Variants in KLHL29 observed in about 807,000 individuals in gnomAD.
KLHL29 encodes the protein kelch like family member 29, also known as kelch-like protein 29.
KLHL29 carries 21 observed loss-of-function variants against 80.4 expected under a neutral mutation model. That is an observed-to-expected ratio of 0.26 (90% CI 0.19 to 0.38). The LOEUF is 0.38. KLHL29 is among the 10% of genes least tolerant of loss of function. The pLI, the probability that KLHL29 is intolerant of heterozygous loss-of-function variation, is 1.00. For missense variants in KLHL29, 867 were observed against 1,223.9 expected (o/e 0.71, Z 4.35); for synonymous variants, 511 against 526.8 (o/e 0.97, Z 0.41).
chr2:23,506,276 G>T (rs1003518748), intron 2 of KLHL29, among the ~76,000 whole-genome samples: 40 of 152,164 alleles, frequency 2.6e-4, no homozygotes, highest in African/African-American at 9.4e-4. Context: ...GCTTATCTTC[G>T]CGAAGTTGAA....
At position 23,457,217 on chromosome 2, in the gene KLHL29, C is replaced by T. The variant is rs1664080046; in HGVS notation, c.-153-18343C>T. Among the ~76,000 whole-genome samples the T allele has an allele frequency of 6.6e-6, 1 of 152,184 alleles. No homozygotes were observed. Among genetic ancestry groups the T allele is most frequent in the South Asian group, 2.1e-4 (1 of 4,832 alleles). Reference sequence around the variant, plus strand: ...GGGTGCAGAGTAACCCTCACATGCACAGTGACTGGTGTAGGATGATGTTTG... The same window carrying T: ...GGGTGCAGAGTAACCCTCACATGCATAGTGACTGGTGTAGGATGATGTTTG... On this transcript the variant is annotated intron_variant, in intron 1 of 13. Coordinates refer to ENST00000486442, the MANE Select transcript of KLHL29 (RefSeq NM_052920.2). The surrounding 1 kb of genome is among the most constrained non-coding windows in gnomAD (Gnocchi z 4.3).
intron 1 of KLHL29, among the ~76,000 whole-genome samples, chr2:23,462,573 G>A (rs1048122718): frequency 6.6e-6 from 1 of 152,154 alleles, no homozygotes; most frequent in African/African-American, 2.4e-5. Flanking sequence ...AAATATAGGG[G>A]TTGTTGGACT....
At chr2:23,397,250 G>T (rs1427151406) in intron 1 of KLHL29, among the ~76,000 whole-genome samples, 4 of 152,214 alleles carry the variant, frequency 2.6e-5, no homozygotes, top group African/African-American at 9.6e-5. Flanking sequence ...CTAGATGAGG[G>T]CTGTAGTGAT....
At position 23,642,745 on chromosome 2, in the gene KLHL29, C is replaced by A. The variant is rs757870784; in HGVS notation, c.835C>A (p.Pro279Thr). The A allele has an allele frequency of 6.5e-7, 1 of 1,550,218 alleles. No homozygotes were observed. The highest frequency in any genetic ancestry group is 1.4e-5 in the African/African-American group (1 of 73,168). ...QPSATLPSGAPATNGPPTTDS... is the reference protein window; with the variant it reads ...QPSATLPSGATATNGPPTTDS... ...GTCCGCCACTCTCCCCAGTGGTGCC[C>A]CTGCCACCAATGGGCCCCCCACAAC... is the stretch of plus-strand genomic sequence containing the variant. Residue 279 changes from proline (P) to threonine (T), a missense_variant, in exon 5 of 14, where the codon CCT (proline) becomes ACT (threonine). Physicochemically the swap from Pro to Thr is conservative, Grantham distance 38. Transcript: ENST00000486442.
rs542340326 is a variant in KLHL29 at position 23,642,707 on chromosome 2, C to T, written c.797C>T (p.Pro266Leu). Residue 266 changes from proline to leucine, a missense_variant, in exon 5 of 14, where the codon CCG (proline) becomes CTG (leucine). Around this residue, in one of 2 missense-constraint regions of KLHL29, gnomAD observed 424 missense variants for 456.9 expected, o/e 0.93. Transcript: ENST00000486442. ...HMAGPLLPPP[P>L]PAQPSATLPS... ...GCAGGGCCCCTGCTGCCTCCACCGC[C>T]GCCAGCCCAGCCGTCCGCCACTCTC... The T allele has an allele frequency of 3.2e-5, 50 of 1,548,496 alleles. No homozygotes were observed. The highest frequency in any genetic ancestry group is 3.6e-5 in the Non-Finnish European group (41 of 1,145,846).
At chr2:23,412,581 G>A (rs1666890994) in intron 1 of KLHL29, among the ~76,000 whole-genome samples, 1 of 152,194 alleles carries the variant, frequency 6.6e-6, no homozygotes, top group African/African-American at 2.4e-5. Context: ...TTGAGGGAAG[G>A]AGAGAGCCTG....
In KLHL29 at chr2:23,576,026, C is replaced by G. The variant is rs941187666; in HGVS notation, c.285+13545C>G. On this transcript the variant is annotated intron_variant, in intron 3 of 13. Coordinates refer to ENST00000486442, the MANE Select transcript of KLHL29 (RefSeq NM_052920.2). Reference sequence around the variant, plus strand: ...CCATTAGAAATATGCTGAGGGGGGCCGCGCCCAGTGGCTCACGCCTGGAGT... The same window carrying G: ...CCATTAGAAATATGCTGAGGGGGGCGGCGCCCAGTGGCTCACGCCTGGAGT... 5.9e-5 allele frequency among the ~76,000 whole-genome samples: 9 copies of G among 152,320 alleles called. No individual in the cohort carries two copies. The East Asian group carries it at 1.5e-3, about 26-fold the overall frequency.
At chr2:23,618,290 A>G (rs1669073795) in intron 3 of KLHL29, among the ~76,000 whole-genome samples, 1 of 152,140 alleles carries the variant, frequency 6.6e-6, no homozygotes, top group African/African-American at 2.4e-5. Context: ...TTACATGTCA[A>G]CTTGACCAGG....
chr2:23,656,097 ATCTGTCCC>A (rs1171089328), intron 5 of KLHL29, among the ~76,000 whole-genome samples: 5 of 152,196 alleles, frequency 3.3e-5, no homozygotes, highest in Non-Finnish European at 7.3e-5. Context: ...GAAAGGGACC[ATCTGTCCC>A]TCTTCTGGAC....
chr2:23,650,445 A>G (rs1393120777), intron 5 of KLHL29, among the ~76,000 whole-genome samples: 1 of 152,202 alleles, frequency 6.6e-6, no homozygotes, highest in Admixed American at 6.5e-5. Context: ...GGCCCAAGCC[A>G]TCCCTCTCTC....
chr2:23,692,008 G>A (rs1671642824), intron 7 of KLHL29, 132 bp downstream of exon 7: 3 of 832,380 alleles, frequency 3.6e-6, no homozygotes, highest in Non-Finnish European at 3.7e-6. Flanking sequence ...GGCTGAGTTT[G>A]GCAGGGCTGT....
chr2:23,616,502 G>A (rs901149531), intron 3 of KLHL29: 4 of 152,094 alleles, frequency 2.6e-5, no homozygotes, highest in African/African-American at 9.7e-5. Context: ...AGGTGACTTC[G>A]GGCTTTTTAA....
intron 7 of KLHL29, among the ~76,000 whole-genome samples, 151 bp downstream of exon 7, chr2:23,692,027 G>C (rs927213826): frequency 1.3e-5 from 2 of 152,172 alleles, no homozygotes; most frequent in Non-Finnish European, 2.9e-5. Flanking sequence ...GTTTTAAGAT[G>C]GTAATTCAGA....
At chr2:23,620,756 C>G (rs1429377091) in intron 3 of KLHL29, among the ~76,000 whole-genome samples, 1 of 152,194 alleles carries the variant, frequency 6.6e-6, no homozygotes, top group East Asian at 1.9e-4. Flanking sequence ...GGTCCCCATC[C>G]AGAGGTGGGA....
At chr2:23,589,679 C>T (rs1668207980) in intron 3 of KLHL29, among the ~76,000 whole-genome samples, 2 of 152,228 alleles carry the variant, frequency 1.3e-5, no homozygotes, top group African/African-American at 2.4e-5. Context: ...GAGAAGTAGG[C>T]TTTTCCTCTC....
At chr2:23,511,664 A>G (rs1344968984) in intron 2 of KLHL29, among the ~76,000 whole-genome samples, 1 of 152,178 alleles carries the variant, frequency 6.6e-6, no homozygotes, top group African/African-American at 2.4e-5. Flanking sequence ...TCAAAACACA[A>G]ATTTTGTTTT....
At position 23,392,585 on chromosome 2, in the gene KLHL29, A is replaced by G. The variant is rs529506556; in HGVS notation, c.-154+6805A>G. 3.9e-5 allele frequency among the ~76,000 whole-genome samples: 6 copies of G among 152,320 alleles called. No individual in the cohort carries two copies. In the South Asian group the frequency reaches 6.2e-4, roughly 16 times the overall value. ...TATATTATCTCTAATCCTCATATCA[A>G]TGCTTCGAGGTAGGGATTATCCACA... On this transcript the variant is annotated intron_variant, in intron 1 of 13. Coordinates refer to ENST00000486442, the MANE Select transcript of KLHL29 (RefSeq NM_052920.2).
intron 3 of KLHL29, among the ~76,000 whole-genome samples, chr2:23,613,165 C>T (rs567296432): frequency 8.5e-5 from 13 of 152,160 alleles, no homozygotes; most frequent in South Asian, 6.2e-4. Context: ...ATAAAAGGAA[C>T]ACAGAACAAG....
At chr2:23,608,487 G>A (rs1043194767) in intron 3 of KLHL29, among the ~76,000 whole-genome samples, 2 of 151,544 alleles carry the variant, frequency 1.3e-5, no homozygotes, top group Non-Finnish European at 2.9e-5. Flanking sequence ...CTGGAATATC[G>A]TAGGAGCTCA....
Sources: allele counts gnomAD v4.1 joint callset (sites outside exome capture counted in the v4.1 genomes callset), GRCh38; gene constraint gnomAD v4.1.1; regional missense constraint gnomAD v4.1.1; non-coding constraint Gnocchi (gnomAD v3.1); transcripts MANE v1.5; gene names NCBI Gene and HGNC (gene_info 2026-07-23, HGNC 2026-07-21).